PPP2R5A: variants seen among roughly 807,000 people sequenced by gnomAD.
The protein encoded by PPP2R5A is protein phosphatase 2 regulatory subunit B'alpha.
A neutral mutation model predicts 64.2 loss-of-function variants in PPP2R5A; 25 were observed. The ratio of observed to expected loss-of-function variants is 0.39; its 90% CI spans 0.28 to 0.54. PPP2R5A has a LOEUF of 0.54. PPP2R5A is among the 20% of genes least tolerant of loss of function. The probability of loss-of-function intolerance (pLI) is 0.67; values close to 1 mark genes in which losing one functional copy is unlikely to be tolerated. For missense variants in PPP2R5A, 425 were observed against 576.3 expected, an observed-to-expected ratio of 0.74 and a Z score of 2.69; for synonymous variants, 198 against 201.2, an observed-to-expected ratio of 0.98 and a Z score of 0.13.
chr1:212,322,272 G>GAGGGAT, intron 1 of PPP2R5A, among the ~76,000 whole-genome samples: 1 of 140,912 alleles, frequency 7.1e-6, no homozygotes, highest in African/African-American at 2.7e-5. Flanking sequence ...AGAGGAGGGA[G>GAGGGAT]AGGGAGAGGA....
At chr1:212,286,785 T>C (rs925687034) in intron 1 of PPP2R5A, among the ~76,000 whole-genome samples, 7 of 152,166 alleles carry the variant, frequency 4.6e-5, no homozygotes, top group African/African-American at 1.7e-4. Flanking sequence ...TCCCATTGAT[T>C]GCCCCTAAGA....
At chr1:212,324,404 C>T (rs1338782388) in intron 1 of PPP2R5A, among the ~76,000 whole-genome samples, 1 of 152,182 alleles carries the variant, frequency 6.6e-6, no homozygotes, top group African/African-American at 2.4e-5. Flanking sequence ...TGGCGCATGA[C>T]TGTATTTTCC....
chr1:212,327,057 G>A (rs1291957048), intron 1 of PPP2R5A, among the ~76,000 whole-genome samples: 2 of 152,118 alleles, frequency 1.3e-5, no homozygotes, highest in Non-Finnish European at 2.9e-5. Flanking sequence ...TAATTGAAAG[G>A]TAATTTTACT....
rs1196485714 is a variant in PPP2R5A at position 212,329,349 on chromosome 1, T to C, written c.378+18T>C. 2 of 1,502,156 alleles carry C rather than the reference T, an allele frequency of 1.3e-6. No individual in the cohort carries two copies. The highest frequency in any genetic ancestry group is 1.8e-6 in the Non-Finnish European group (2 of 1,119,622). The allele number at this position is 1,502,156 out of a possible 1,614,324, so 93.1% of individuals were successfully genotyped here. On this transcript the variant is annotated intron_variant, in intron 2 of 12. Transcript: ENST00000261461. ...TAAAAATGGTAAGCCTCTAGAATTA[T>C]GTTCCTCAGATTTATGTAAATTTAA...
At chr1:212,303,606 C>T (rs1390127720) in intron 1 of PPP2R5A, among the ~76,000 whole-genome samples, 1 of 151,794 alleles carries the variant, frequency 6.6e-6, no homozygotes, top group Non-Finnish European at 1.5e-5. Context: ...TTCTAAGGAT[C>T]CTTTCCCAGA....
intron 3 of PPP2R5A, among the ~76,000 whole-genome samples, chr1:212,334,237 C>T (rs1659554115): frequency 6.6e-6 from 1 of 151,994 alleles, no homozygotes; most frequent in African/African-American, 2.4e-5. Context: ...ATGAACAGTT[C>T]TATGTATAAG....
rs190193010 is a variant in PPP2R5A at position 212,330,930 on chromosome 1, G to T, written c.378+1599G>T. ...TGCCTGTAACCCCAGCACTTTGGGAGGCCAAGGCGGGTTGATCACCTGAGG... is the reference window on the plus strand; with the variant it reads ...TGCCTGTAACCCCAGCACTTTGGGATGCCAAGGCGGGTTGATCACCTGAGG... On this transcript the variant is annotated intron_variant, in intron 2 of 12. Coordinates refer to ENST00000261461, the MANE Select transcript of PPP2R5A (RefSeq NM_006243.4). Among the ~76,000 whole-genome samples, 981 of 152,010 alleles carry T rather than the reference G, an allele frequency of 6.5e-3. 10 individuals carry two copies. Among genetic ancestry groups the T allele is most frequent in the Non-Finnish European group, 0.012 (787 of 67,976 alleles).
intron 1 of PPP2R5A, among the ~76,000 whole-genome samples, chr1:212,304,403 A>G (rs1658857309): frequency 6.6e-6 from 1 of 152,078 alleles, no homozygotes; most frequent in South Asian, 2.1e-4. Context: ...ATACAAAATT[A>G]GCCGGGGTGG....
In PPP2R5A at chr1:212,287,176, A is replaced by G. The variant is rs142527233; in HGVS notation, c.181+885A>G. Among the ~76,000 whole-genome samples, 431 of 152,240 alleles carry G rather than the reference A, an allele frequency of 2.8e-3. 3 individuals are homozygous for G. The highest frequency in any genetic ancestry group is 1.0e-2 in the African/African-American group (415 of 41,536). ...TCCCACTAGGTTTAGAGGATTTTCG[A>G]TGTTATTTCCTGGTGTTCTAGTTTA... is the stretch of plus-strand genomic sequence containing the variant. On this transcript the variant is annotated intron_variant, in intron 1 of 12. Transcript: ENST00000261461.
chr1:212,306,358 A>AGG (rs1553273872), intron 1 of PPP2R5A, among the ~76,000 whole-genome samples: 44 of 151,194 alleles, frequency 2.9e-4, no homozygotes, highest in Admixed American at 2.5e-3. Flanking sequence ...AGAAGAATGG[A>AGG]GGGGGGGTAA....
intron 8 of PPP2R5A, among the ~76,000 whole-genome samples, chr1:212,355,148 T>C (rs971329110): frequency 6.6e-6 from 1 of 152,200 alleles, no homozygotes; most frequent in East Asian, 1.9e-4. Context: ...CACATTATAG[T>C]TGTTGTTGTG....
At chr1:212,344,678 GAAGA>G (rs1349293618) in intron 4 of PPP2R5A, among the ~76,000 whole-genome samples, 13 of 151,978 alleles carry the variant, frequency 8.6e-5, no homozygotes, top group Non-Finnish European at 1.8e-4. Flanking sequence ...TTTTTTGACA[GAAGA>G]AATTAAGTTT....
intron 1 of PPP2R5A, among the ~76,000 whole-genome samples, chr1:212,286,803 G>C (rs1658512824): frequency 6.6e-6 from 1 of 152,146 alleles, no homozygotes; most frequent in South Asian, 2.1e-4. Context: ...AGAGTCATCA[G>C]ACCAGGAATC....
At chr1:212,294,910 G>A (rs192383318) in intron 1 of PPP2R5A, among the ~76,000 whole-genome samples, 2 of 152,252 alleles carry the variant, frequency 1.3e-5, no homozygotes, top group Admixed American at 1.3e-4. Context: ...AGATAGATGG[G>A]CTAAGAGGTC....
At position 212,346,176 on chromosome 1, in the gene PPP2R5A, A is replaced by T. The variant is rs369842341; in HGVS notation, c.704+243A>T. 4.0e-5 allele frequency among the ~76,000 whole-genome samples: 6 copies of T among 151,772 alleles called. No homozygotes were observed. In the South Asian group the frequency reaches 8.3e-4, roughly 21 times the overall value. On this transcript the variant is annotated intron_variant, in intron 5 of 12. Coordinates refer to ENST00000261461, the MANE Select transcript of PPP2R5A (RefSeq NM_006243.4). ...CCACCACGCCTGGGTAATTTTTTTG[A>T]CTTTTAGTAGAGACAAGGTCTATGT...
intron 11 of PPP2R5A, 47 bp downstream of exon 11, chr1:212,357,331 A>C: frequency 8.4e-7 from 1 of 1,194,072 alleles, no homozygotes; most frequent in Non-Finnish European, 1.1e-6. Flanking sequence ...TTTTTTTTTT[A>C]TATCTTTTTG....
At chr1:212,333,214 T>C (rs1237039944) in intron 2 of PPP2R5A, among the ~76,000 whole-genome samples, 1 of 152,174 alleles carries the variant, frequency 6.6e-6, no homozygotes, top group African/African-American at 2.4e-5. Context: ...CCTCTTTCTT[T>C]TTAAGCAAAA....
At chr1:212,297,825 C>CTTTTTTTTTTATTTTTTA (rs1368421837) in intron 1 of PPP2R5A, 1 of 22,094 alleles carries the variant, frequency 4.5e-5, no homozygotes, top group East Asian at 6.3e-4. Flanking sequence ...TTTTTTTTTT[C>CTTTTTTTTTTATTTTTTA]TTTTTTATTT....
At chr1:212,308,463 T>C (rs963748886) in intron 1 of PPP2R5A, among the ~76,000 whole-genome samples, 5 of 149,628 alleles carry the variant, frequency 3.3e-5, no homozygotes, top group Non-Finnish European at 7.4e-5. Flanking sequence ...GGCTGGAGTA[T>C]AGTGGCATGA....
Sources: gnomAD v4.1 joint callset for allele counts (sites outside exome capture counted in the v4.1 genomes callset) on GRCh38, gnomAD v4.1.1 for gene constraint, MANE v1.5 for transcripts, NCBI Gene and HGNC (gene_info 2026-07-23, HGNC 2026-07-21) for gene names.